The following ADGRE5 variants were observed in gnomAD, a reference collection of about 807,000 sequenced individuals.
The protein encoded by ADGRE5 is CD97 molecule.
A neutral mutation model predicts 100.3 loss-of-function variants in ADGRE5; 72 were observed. The ratio of observed to expected loss-of-function variants is 0.72; its 90% CI spans 0.59 to 0.87. ADGRE5 has a LOEUF of 0.87. Ranked by LOEUF, ADGRE5 falls within the 40% of genes least tolerant of loss-of-function variation. The pLI is 0.00. For missense variants in ADGRE5, 959 were observed against 1,094.7 expected (o/e 0.88, Z 1.75); for synonymous variants, 439 against 447.8 (o/e 0.98, Z 0.25).
At position 14,398,094 on chromosome 19, in the gene ADGRE5, C is replaced by T. The variant is rs527288068; in HGVS notation, c.852C>T (p.Asp284=). 4.2e-5 allele frequency: 67 copies of T among 1,614,122 alleles called. No individual in the cohort carries two copies. The South Asian group carries it at 6.7e-4, about 16-fold the overall frequency. The change falls in exon 9 of 20, where the codon GAC becomes GAT. Residue 284 remains aspartate, a synonymous_variant. Coordinates refer to ENST00000242786, the MANE Select transcript of ADGRE5 (RefSeq NM_078481.4). The part of the protein sequence containing the change: ...TLSRFFDKVQ[D]LGRDSKTSSA... ...CCCGATTCTTCGACAAAGTCCAGGA[C>T]CTGGGCAGAGACTCCAAGACAAGCT...
chr19:14,394,469 C>T (rs1344235481), intron 4 of ADGRE5, among the ~76,000 whole-genome samples: 13 of 152,132 alleles, frequency 8.5e-5, no homozygotes, highest in Non-Finnish European at 5.9e-5. Flanking sequence ...CCCCTGATCA[C>T]CCGTCTTTGT....
intron 1 of ADGRE5, among the ~76,000 whole-genome samples, chr19:14,385,365 CTCTT>C (rs1460217466): frequency 2.0e-5 from 3 of 152,046 alleles, no homozygotes; most frequent in East Asian, 1.9e-4. Flanking sequence ...TTCTGTGTCT[CTCTT>C]TCTTTCTGAC....
intron 4 of ADGRE5, chr19:14,391,308 T>C: frequency 1.7e-6 from 1 of 583,286 alleles, no homozygotes; most frequent in South Asian, 2.1e-5. Flanking sequence ...GATAACCAAG[T>C]GTATGACGTT....
chr19:14,400,489 T>C (rs1373553576), intron 9 of ADGRE5, among the ~76,000 whole-genome samples: 1 of 146,902 alleles, frequency 6.8e-6, no homozygotes, highest in Non-Finnish European at 1.5e-5. Flanking sequence ...AAAATAAAGT[T>C]AAATTAAAGT....
At chr19:14,391,204 C>A in intron 4 of ADGRE5, 125 bp downstream of exon 4, 1 of 1,252,562 alleles carries the variant, frequency 8.0e-7, no homozygotes, top group Non-Finnish European at 1.1e-6. Context: ...TGAGATGGGA[C>A]AGGTGCACAT....
chr19:14,386,194 A>G (rs1975342136), intron 1 of ADGRE5, among the ~76,000 whole-genome samples: 1 of 149,810 alleles, frequency 6.7e-6, no homozygotes, highest in African/African-American at 2.4e-5. Flanking sequence ...CCTGGCTAAC[A>G]TGGTGAAACC....
intron 3 of ADGRE5, among the ~76,000 whole-genome samples, chr19:14,390,506 TAG>T (rs919238143): frequency 6.6e-6 from 1 of 152,016 alleles, no homozygotes; most frequent in Admixed American, 6.6e-5. Flanking sequence ...GTATTTTTAG[TAG>T]AGACGGGGTT....
intron 1 of ADGRE5, among the ~76,000 whole-genome samples, chr19:14,387,477 C>G (rs762614537): frequency 6.0e-4 from 92 of 152,192 alleles, no homozygotes; most frequent in Admixed American, 1.4e-3. Flanking sequence ...GCCTGTAATC[C>G]CAGCACTTTG....
rs777301199 is a variant in ADGRE5 at position 14,405,896 on chromosome 19, G to C, written c.1778G>C (p.Gly593Ala). 6.8e-6 allele frequency: 11 copies of C among 1,611,460 alleles called. No individual in the cohort carries two copies. The Admixed American group carries it at 1.5e-4, about 22-fold the overall frequency. Reference sequence around the variant, plus strand: ...CACCTCTGCATCTGCCTCTTCGTGGGCTCCACCATCTTCCTGGCCGGCATC... The same window carrying C: ...CACCTCTGCATCTGCCTCTTCGTGGCCTCCACCATCTTCCTGGCCGGCATC... ...HLHLCICLFV[G>A]STIFLAGIEN... The change falls in exon 14 of 20, where the codon GGC becomes GCC. Residue 593 changes from glycine to alanine, a missense_variant. By Grantham distance (60) the Gly-to-Ala change is moderately conservative (BLOSUM62 0). Around this residue, in one of 6 missense-constraint regions of ADGRE5, gnomAD observed 428 missense variants for 386.2 expected, o/e 1.11. Transcript: ENST00000242786.
rs1568322418 is a variant in ADGRE5, at chr19:14,408,097, C to CA, written c.2485dup (p.Arg829LysfsTer58). 6.2e-7 allele frequency: 1 copy of CA among 1,613,836 alleles called. No homozygotes were observed. Among genetic ancestry groups the CA allele is most frequent in the East Asian group, 2.2e-5 (1 of 44,884 alleles). ...CTCTGGGCTCTCCTCTCCAGGCCCT[C>CA]AGGGCATCAGAGTCCGGCATATGAA... is the stretch of plus-strand genomic sequence containing the variant. On this transcript the variant is annotated frameshift_variant, in exon 20 of 20. Transcript: ENST00000242786. LOFTEE classifies it high-confidence loss of function.
Position 14,405,959 on chromosome 19 carries a change from C to T in ADGRE5, c.1821+20C>T, listed in dbSNP as rs1188326124. 5.7e-6 allele frequency: 9 copies of T among 1,592,196 alleles called. No homozygotes were observed. The highest frequency in any genetic ancestry group is 7.7e-6 in the Non-Finnish European group (9 of 1,173,576). On this transcript the variant is annotated intron_variant, in intron 14 of 19. Transcript: ENST00000242786. ...GGCCAGGTGAGGTCCCGCCCCGCTC[C>T]CTCCTGAGCTCTGGGGTCAGGGAGG... is the stretch of plus-strand genomic sequence containing the variant.
rs371538768 is a variant in ADGRE5 at position 14,404,441 on chromosome 19, A to T, written c.1508A>T (p.Asp503Val). Residue 503 changes from aspartate (D) to valine (V), a missense_variant, in exon 13 of 20, where the codon GAC becomes GTC. By Grantham distance (152) the Asp-to-Val change is radical. This residue lies in a region of ADGRE5 where 19 missense variants were observed against 46.8 expected (regional missense o/e 0.41). Coordinates refer to ENST00000242786, the MANE Select transcript of ADGRE5 (RefSeq NM_078481.4). Reference protein sequence around the residue: ...LLCAFWKSDSDRGGHWATEGC... With the variant: ...LLCAFWKSDSVRGGHWATEGC... ...TGTGCCTTCTGGAAGAGTGACAGCG[A>T]CAGGGGAGGGCACTGGGCCACCGAG... is the stretch of plus-strand genomic sequence containing the variant. 4.3e-6 allele frequency: 7 copies of T among 1,612,076 alleles called. No individual in the cohort carries two copies. The African/African-American group carries it at 8.0e-5, about 18-fold the overall frequency.
chr19:14,383,582 G>T (rs1006614240), intron 1 of ADGRE5, among the ~76,000 whole-genome samples: 4 of 151,988 alleles, frequency 2.6e-5, no homozygotes, highest in African/African-American at 9.7e-5. Flanking sequence ...ATTGTCTCGG[G>T]GTCCTTAGGA....
rs1238226454 is a variant in ADGRE5, at chr19:14,397,090, C to T, written c.492C>T (p.Cys164=). The change falls in exon 6 of 20, where the codon TGC becomes TGT. Residue 164 remains cysteine (C), a synonymous_variant. Transcript: ENST00000242786. ...DPKVCTDVNE[C]TSGQNPCHSS... Reference sequence around the variant, plus strand: ...CTTTGTCCTCAGATGTGAATGAATGCACCTCCGGACAAAACCCGTGCCACA... The same window carrying T: ...CTTTGTCCTCAGATGTGAATGAATGTACCTCCGGACAAAACCCGTGCCACA... 1.2e-6 allele frequency: 2 copies of T among 1,613,960 alleles called. No individual in the cohort carries two copies. Among genetic ancestry groups the T allele is most frequent in the Non-Finnish European group, 1.7e-6 (2 of 1,180,006 alleles).
rs560833754 is a variant in ADGRE5 at position 14,401,856 on chromosome 19, C to T, written c.1183+96C>T. ...GTTCAGAATAGAACAACTGACTGGG[C>T]GCGGTGGCTCACGCCTGCAATCCCA... On this transcript the variant is annotated intron_variant, in intron 11 of 19. Transcript: ENST00000242786. The surrounding 1 kb of genome is among the most constrained non-coding windows in gnomAD (Gnocchi z 4.1). 2.2e-3 allele frequency: 1,726 copies of T among 801,780 alleles called. 12 individuals are homozygous for T. Among genetic ancestry groups the T allele is most frequent in the Admixed American group, 2.8e-3 (80 of 28,268 alleles). The allele number at this position is 801,780 out of a possible 1,614,324, so 49.7% of individuals were successfully genotyped here.
At position 14,402,830 on chromosome 19, in the gene ADGRE5, G is replaced by C; in HGVS notation, c.1417G>C (p.Asp473His). 6.2e-7 allele frequency: 1 copy of C among 1,613,912 alleles called. No homozygotes were observed. Reference protein sequence around the residue: ...LFAFSHLESSDGEAGRDPPAK... With the variant: ...LFAFSHLESSHGEAGRDPPAK... ...CGCCTTCTCCCACCTTGAGTCCTCC[G>C]ATGGGGAGGCGGGAAGAGACCCTCC... Residue 473 changes from aspartate to histidine, a missense_variant, in exon 12 of 20, where the codon GAT (aspartate) becomes CAT (histidine). By Grantham distance (81) the Asp-to-His change is moderately conservative. Around this residue, in one of 6 missense-constraint regions of ADGRE5, gnomAD observed 246 missense variants for 242.2 expected, o/e 1.02. Transcript: ENST00000242786.
Position 14,402,811 on chromosome 19 carries a change from C to A in ADGRE5, c.1398C>A (p.Phe466Leu). 1 of 1,614,106 alleles carries A rather than the reference C, an allele frequency of 6.2e-7. No homozygotes were observed. The highest frequency in any genetic ancestry group is 8.5e-7 in the Non-Finnish European group (1 of 1,180,018). Residue 466 changes from phenylalanine (F) to leucine (L), a missense_variant, in exon 12 of 20, where the codon TTC (phenylalanine) becomes TTA (leucine). Physicochemically the swap from Phe to Leu is conservative, Grantham distance 22. Around this residue, in one of 6 missense-constraint regions of ADGRE5, gnomAD observed 246 missense variants for 242.2 expected, o/e 1.02. Coordinates refer to ENST00000242786, the MANE Select transcript of ADGRE5 (RefSeq NM_078481.4). ...KELNSPILFAFSHLESSDGEA... is the reference protein window; with the variant it reads ...KELNSPILFALSHLESSDGEA... ...TCAACTCCCCCATCCTTTTCGCCTTCTCCCACCTTGAGTCCTCCGATGGGG... is the reference window on the plus strand; with the variant it reads ...TCAACTCCCCCATCCTTTTCGCCTTATCCCACCTTGAGTCCTCCGATGGGG...
chr19:14,408,635 T>C lies in ADGRE5; in HGVS notation c.*514T>C, dbSNP rs756642456. On this transcript the variant is annotated 3_prime_UTR_variant, in exon 20 of 20. Coordinates refer to ENST00000242786, the MANE Select transcript of ADGRE5 (RefSeq NM_078481.4). The stretch of plus-strand genomic sequence containing the variant: ...CTGGCCGGGCAGGAGGTTCTCACTG[T>C]TGTGAAGGTTGTAGACGTTGTGTAA... The C allele has an allele frequency of 2.2e-6, 1 of 463,926 alleles. No individual in the cohort carries two copies. Among genetic ancestry groups the C allele is most frequent in the Non-Finnish European group, 3.8e-6 (1 of 264,006 alleles). The allele number at this position is 463,926 out of a possible 1,614,324, so 28.7% of individuals were successfully genotyped here.
chr19:14,384,675 T>C (rs1975272283), intron 1 of ADGRE5, among the ~76,000 whole-genome samples: 4 of 150,028 alleles, frequency 2.7e-5, no homozygotes, highest in African/African-American at 9.8e-5. Context: ...CATGGTTTTC[T>C]TTCTTCCTCA....
Sources: allele counts gnomAD v4.1 joint callset (sites outside exome capture counted in the v4.1 genomes callset), GRCh38; gene constraint gnomAD v4.1.1; regional missense constraint gnomAD v4.1.1; non-coding constraint Gnocchi (gnomAD v3.1); transcripts MANE v1.5; gene names NCBI Gene and HGNC (gene_info 2026-07-23, HGNC 2026-07-21).